The following BPIFA2 variants were observed in gnomAD, a reference collection of about 807,000 sequenced individuals.
BPIFA2 encodes the protein BPI fold-containing family A member 2.
A neutral mutation model predicts 25.7 loss-of-function variants in BPIFA2; 20 were observed. That is an observed-to-expected ratio of 0.78 (90% CI 0.55 to 1.13). The LOEUF is 1.13. BPIFA2 is among the 50% of genes most tolerant of loss of function. BPIFA2 has a pLI of 0.00. For missense variants in BPIFA2, 300 were observed against 298.1 expected, an observed-to-expected ratio of 1.01 and a Z score of -0.05; for synonymous variants, 126 against 124.3, an observed-to-expected ratio of 1.01 and a Z score of -0.09.
rs1984040035 is a variant in BPIFA2 at position 33,175,411 on chromosome 20, A to G, written c.415A>G (p.Ile139Val). The G allele has an allele frequency of 6.2e-7, 1 of 1,613,610 alleles. No individual in the cohort carries two copies. Among genetic ancestry groups the G allele is most frequent in the Non-Finnish European group, 8.5e-7 (1 of 1,179,740 alleles). Residue 139 changes from isoleucine (I) to valine (V), a missense_variant, in exon 5 of 9, where the codon ATC becomes GTC. Transcript: ENST00000354932. ...VTANVTVAGPIIGQIINLKAS... is the reference protein window; with the variant it reads ...VTANVTVAGPVIGQIINLKAS... ...TGTGCATCTTACTTCCTGCAGGCCC[A>G]TCATTGGCCAGATTATCAACCTGAA... is the stretch of plus-strand genomic sequence containing the variant.
At chr20:33,168,356 A>G (rs1983788246) in intron 1 of BPIFA2, 147 bp downstream of exon 1, 1 of 166,744 alleles carries the variant, frequency 6.0e-6, no homozygotes, top group Non-Finnish European at 1.3e-5. Context: ...TGTGCTCTAA[A>G]TGGCAAGTTC....
upstream of BPIFA2, among the ~76,000 whole-genome samples, chr20:33,165,770 G>A (rs951233930): frequency 7.2e-5 from 11 of 152,256 alleles, no homozygotes; most frequent in Admixed American, 5.9e-4. Flanking sequence ...CTCATGGCTG[G>A]GGCCTTTGTC....
chr20:33,180,433 G>A (rs928828438), intron 7 of BPIFA2, 87 bp from the exon 8 acceptor site: 26 of 1,446,490 alleles, frequency 1.8e-5, no homozygotes, highest in Middle Eastern at 1.8e-4. Flanking sequence ...TCAGGTTACC[G>A]GCTGGAGAGC....
At chr20:33,180,624 T>C (rs1181941465) in intron 8 of BPIFA2, 27 bp downstream of exon 8, 8 of 1,510,400 alleles carry the variant, frequency 5.3e-6, no homozygotes, top group Non-Finnish European at 6.4e-6. Flanking sequence ...TGTGCCCCAA[T>C]GCACAGGGGC....
intron 5 of BPIFA2, 38 bp from the exon 6 acceptor site, chr20:33,178,109 C>A: frequency 6.6e-7 from 1 of 1,513,348 alleles, no homozygotes; most frequent in Non-Finnish European, 9.1e-7. Flanking sequence ...ATCTCTTGCC[C>A]ACTTGACCAG....
chr20:33,177,163 T>C (rs1037091510), intron 5 of BPIFA2, among the ~76,000 whole-genome samples: 11 of 152,214 alleles, frequency 7.2e-5, no homozygotes, highest in Non-Finnish European at 1.5e-4. Context: ...AAGACCAGCT[T>C]GGCCAACATG....
chr20:33,170,594 A>G (rs1983867313), intron 2 of BPIFA2, among the ~76,000 whole-genome samples: 1 of 151,888 alleles, frequency 6.6e-6, no homozygotes, highest in South Asian at 2.1e-4. Flanking sequence ...GAGTCTCACC[A>G]TTTTGCCCAG....
chr20:33,175,656 G>A, intron 5 of BPIFA2, 97 bp downstream of exon 5: 2 of 1,347,726 alleles, frequency 1.5e-6, no homozygotes, highest in African/African-American at 1.5e-5. Flanking sequence ...GCCTAGTGGT[G>A]AAAGTGTTCA....
chr20:33,180,414 C>T lies in BPIFA2; in HGVS notation c.710-106C>T. 4 of 1,272,054 alleles carry T rather than the reference C, an allele frequency of 3.1e-6. No individual in the cohort carries two copies. The South Asian group carries it at 5.0e-5, about 16-fold the overall frequency. The allele number at this position is 1,272,054 out of a possible 1,614,324, so 78.8% of individuals were successfully genotyped here. A position where few individuals can be genotyped will look rare whatever the true frequency, so the allele number is the denominator to read the frequency against. ...GAGGTGGAGCAACATCCCTGGGGTC[C>T]CACAACTGTCAGGTTACCGGCTGGA... On this transcript the variant is annotated intron_variant, in intron 7 of 8. Coordinates refer to ENST00000354932, the MANE Select transcript of BPIFA2 (RefSeq NM_080574.4).
At chr20:33,172,809 C>T in intron 2 of BPIFA2, 123 bp from the exon 3 acceptor site, 1 of 1,096,658 alleles carries the variant, frequency 9.1e-7, no homozygotes, top group Non-Finnish European at 1.3e-6. Context: ...ACAATATCTA[C>T]TTCACTGAGT....
upstream of BPIFA2, among the ~76,000 whole-genome samples, chr20:33,164,619 C>G (rs6120129): frequency 5.9e-5 from 9 of 151,338 alleles, no homozygotes; most frequent in African/African-American, 2.2e-4. Flanking sequence ...TCTTCCCTCC[C>G]TCCTTCCCTC....
At chr20:33,168,843 G>A (rs115628379) in intron 1 of BPIFA2, among the ~76,000 whole-genome samples, 1,550 of 152,268 alleles carry the variant, frequency 0.01, 36 homozygotes, top group African/African-American at 0.036. Context: ...AAGTAAAGAA[G>A]AAGAAAAATA....
At chr20:33,169,386 G>T (rs928202799) in intron 2 of BPIFA2, 84 bp downstream of exon 2, 1 of 1,418,630 alleles carries the variant, frequency 7.0e-7, no homozygotes, top group African/African-American at 1.4e-5. Flanking sequence ...TGCCACCAGG[G>T]GCTACTCTTT....
At chr20:33,164,852 C>A (rs17124251), upstream of BPIFA2, among the ~76,000 whole-genome samples, 4,350 of 152,310 alleles carry the variant, frequency 0.029, 186 homozygotes, top group African/African-American at 0.096. Flanking sequence ...TTTAAATTTT[C>A]TCTGGGAGTG....
chr20:33,180,627 A>G (rs1461060517), intron 8 of BPIFA2, 30 bp downstream of exon 8: 2 of 1,521,970 alleles, frequency 1.3e-6, no homozygotes, highest in Non-Finnish European at 1.8e-6. Flanking sequence ...GCCCCAATGC[A>G]CAGGGGCCTA....
At chr20:33,166,439 A>G (rs574136120), upstream of BPIFA2, among the ~76,000 whole-genome samples, 4 of 152,324 alleles carry the variant, frequency 2.6e-5, no homozygotes, top group African/African-American at 7.2e-5. Context: ...CTTCTTCGCC[A>G]TCTTTGCTGT....
intron 1 of BPIFA2, among the ~76,000 whole-genome samples, 165 bp from the exon 2 acceptor site, chr20:33,168,966 C>T (rs976810908): frequency 7.2e-5 from 11 of 152,156 alleles, no homozygotes; most frequent in Non-Finnish European, 1.0e-4. Context: ...TGTGTGTCTC[C>T]GGGCAAGTTG....
intron 3 of BPIFA2, among the ~76,000 whole-genome samples, chr20:33,173,783 C>T (rs139012656): frequency 1.3e-5 from 2 of 152,296 alleles, no homozygotes; most frequent in East Asian, 1.9e-4. Context: ...GGATTACAGG[C>T]GTGAGTCACC....
upstream of BPIFA2, among the ~76,000 whole-genome samples, chr20:33,167,711 GC>G (rs1983766391): frequency 6.6e-6 from 1 of 151,904 alleles, no homozygotes; most frequent in Non-Finnish European, 1.5e-5. Context: ...CTCCTTGTGG[GC>G]CACAATTCTA....
Sources: gnomAD v4.1 joint callset for allele counts (sites outside exome capture counted in the v4.1 genomes callset) on GRCh38, gnomAD v4.1.1 for gene constraint, MANE v1.5 for transcripts, NCBI Gene and HGNC (gene_info 2026-07-23, HGNC 2026-07-21) for gene names.